SCG5: variants seen among roughly 807,000 people sequenced by gnomAD.
The protein encoded by SCG5 is secretogranin V, also known as neuroendocrine protein 7B2.
A neutral mutation model predicts 25.7 loss-of-function variants in SCG5; 18 were observed. The ratio of observed to expected loss-of-function variants is 0.70; its 90% CI spans 0.48 to 1.04. The LOEUF (loss-of-function observed/expected upper bound fraction) is 1.04, where lower values mean the gene tolerates loss of function less well. SCG5 is among the 50% of genes least tolerant of loss of function. The pLI, the probability that SCG5 is intolerant of heterozygous loss-of-function variation, is 0.00. For missense variants in SCG5, 206 were observed against 259.8 expected, an observed-to-expected ratio of 0.79 and a Z score of 1.42; for synonymous variants, 101 against 91.7, an observed-to-expected ratio of 1.10 and a Z score of -0.58.
intron 4 of SCG5, among the ~76,000 whole-genome samples, chr15:32,687,032 A>T (rs866838366): frequency 6.6e-6 from 1 of 152,022 alleles, no homozygotes; most frequent in Non-Finnish European, 1.5e-5. Flanking sequence ...TCAGGTGGGA[A>T]AGTCTTCAGC....
intron 1 of SCG5, 132 bp from the exon 2 acceptor site, chr15:32,643,454 T>C: frequency 1.4e-6 from 1 of 694,712 alleles, no homozygotes; most frequent in South Asian, 1.7e-5. Context: ...AGCAACCTCC[T>C]AAGGATTCTT....
chr15:32,682,355 G>A (rs745447459), intron 3 of SCG5, among the ~76,000 whole-genome samples: 2 of 152,218 alleles, frequency 1.3e-5, no homozygotes, highest in Non-Finnish European at 2.9e-5. Flanking sequence ...CTGACCTCTA[G>A]TGTTGACTGT....
At chr15:32,690,335 C>T in intron 4 of SCG5, among the ~76,000 whole-genome samples, 1 of 152,228 alleles carries the variant, frequency 6.6e-6, no homozygotes, top group East Asian at 1.9e-4. Context: ...GTCCTCACCC[C>T]TTCCCGGCCT....
Position 32,696,861 on chromosome 15 carries a change from G to A in SCG5, c.*252G>A. ...GCAATGATCATAAAAATTAAAATGTGAATGTCAACAATAAAAAGCAAGACT... is the reference window on the plus strand; with the variant it reads ...GCAATGATCATAAAAATTAAAATGTAAATGTCAACAATAAAAAGCAAGACT... On this transcript the variant is annotated 3_prime_UTR_variant, in exon 6 of 6. Transcript: ENST00000300175. The A allele has an allele frequency of 2.9e-6, 1 of 340,620 alleles. No homozygotes were observed. The highest frequency in any genetic ancestry group is 5.4e-6 in the Non-Finnish European group (1 of 186,762). 21.1% of individuals were successfully genotyped at this position (340,620 alleles called of 1,614,324 possible).
At chr15:32,678,476 C>T (rs1485954165) in intron 2 of SCG5, among the ~76,000 whole-genome samples, 1 of 152,044 alleles carries the variant, frequency 6.6e-6, no homozygotes, top group Non-Finnish European at 1.5e-5. Flanking sequence ...CAAAATAAAA[C>T]AGTAATTTTA....
chr15:32,643,121 GCTT>G (rs770372392), intron 1 of SCG5, among the ~76,000 whole-genome samples: 23 of 152,128 alleles, frequency 1.5e-4, no homozygotes, highest in Non-Finnish European at 2.9e-4. Flanking sequence ...ACCTTCCTGA[GCTT>G]CTTGATTTGT....
intron 2 of SCG5, among the ~76,000 whole-genome samples, chr15:32,661,501 T>C (rs2054217321): frequency 6.6e-6 from 1 of 152,092 alleles, no homozygotes. Flanking sequence ...ATGCCTGTAA[T>C]CCCAGCTACT....
chr15:32,691,924 T>C, intron 5 of SCG5, 161 bp downstream of exon 5: 1 of 1,465,682 alleles, frequency 6.8e-7, no homozygotes. Flanking sequence ...CCAGAAAGTC[T>C]GTCCTTGGTT....
chr15:32,676,740 AGAGT>A (rs1027939894), intron 2 of SCG5, among the ~76,000 whole-genome samples: 6 of 152,230 alleles, frequency 3.9e-5, no homozygotes, highest in Admixed American at 2.0e-4. Context: ...ACAAATCAAC[AGAGT>A]GAGAGTGGCA....
intron 2 of SCG5, among the ~76,000 whole-genome samples, chr15:32,659,677 C>T (rs890582115): frequency 1.3e-5 from 2 of 152,184 alleles, no homozygotes; most frequent in South Asian, 4.1e-4. Context: ...CTGATGCCAT[C>T]TTTCTGGTAT....
intron 5 of SCG5, among the ~76,000 whole-genome samples, chr15:32,695,716 G>A (rs1259317084): frequency 6.6e-6 from 1 of 152,126 alleles, no homozygotes. Context: ...CCAGTCTTCA[G>A]ATGTTAATTC....
At chr15:32,684,832 A>G (rs2054676891) in intron 4 of SCG5, among the ~76,000 whole-genome samples, 163 bp downstream of exon 4, 1 of 152,182 alleles carries the variant, frequency 6.6e-6, no homozygotes, top group Admixed American at 6.5e-5. Flanking sequence ...ACTACTCAAA[A>G]CCACACTTAT....
At position 32,696,552 on chromosome 15, in the gene SCG5, T is replaced by C. The variant is rs780225937; in HGVS notation, c.582T>C (p.Asn194=). 55 of 1,613,154 alleles carry C rather than the reference T, an allele frequency of 3.4e-5. No homozygotes were observed. The highest frequency in any genetic ancestry group is 4.4e-5 in the Non-Finnish European group (52 of 1,179,562). ...NPYLQGQRLD[N]VVAKKSVPHF... is the part of the protein sequence containing the mutation. ...ATCTACAAGGACAGAGACTGGATAA[T>C]GTTGTTGCAAAGAAGTCTGTCCCCC... The change falls in exon 6 of 6, where the codon AAT becomes AAC. Residue 194 remains asparagine (N), a synonymous_variant. Transcript: ENST00000300175.
Position 32,696,885 on chromosome 15 carries a change from C to T in SCG5, c.*276C>T, listed in dbSNP as rs1289453810. 4 of 305,666 alleles carry T rather than the reference C, an allele frequency of 1.3e-5. No homozygotes were observed. Among genetic ancestry groups the T allele is most frequent in the South Asian group, 1.1e-4 (2 of 17,798 alleles). 18.9% of individuals were successfully genotyped at this position (305,666 alleles called of 1,614,324 possible). A position where few individuals can be genotyped will look rare whatever the true frequency, so the allele number is the denominator to read the frequency against. On this transcript the variant is annotated 3_prime_UTR_variant, in exon 6 of 6. Coordinates refer to ENST00000300175, the MANE Select transcript of SCG5 (RefSeq NM_001144757.3). ...TGAATGTCAACAATAAAAAGCAAGA[C>T]TATGAAAGGCTCAGATTTCTTGCAG...
intron 2 of SCG5, among the ~76,000 whole-genome samples, chr15:32,665,517 C>T (rs1321226139): frequency 1.3e-5 from 2 of 152,032 alleles, no homozygotes; most frequent in Non-Finnish European, 2.9e-5. Flanking sequence ...TATTGAATTC[C>T]TGTGGAGAAG....
At chr15:32,685,915 G>A (rs1595817636) in intron 4 of SCG5, among the ~76,000 whole-genome samples, 2 of 152,292 alleles carry the variant, frequency 1.3e-5, no homozygotes, top group Admixed American at 1.3e-4. Flanking sequence ...CTTGCTTACT[G>A]CTTTACTGGG....
chr15:32,682,314 G>A (rs1432676142), intron 3 of SCG5, among the ~76,000 whole-genome samples: 1 of 152,164 alleles, frequency 6.6e-6, no homozygotes, highest in East Asian at 1.9e-4. Context: ...ATAGGAGAAT[G>A]GAAAGAGGTC....
chr15:32,649,638 A>G (rs2054001742), intron 2 of SCG5, among the ~76,000 whole-genome samples: 1 of 152,128 alleles, frequency 6.6e-6, no homozygotes, highest in Non-Finnish European at 1.5e-5. Context: ...GCATTTGCCA[A>G]AACATCCAGA....
At chr15:32,695,011 C>CTTTTTTTTTTTTTTTTT in intron 5 of SCG5, among the ~76,000 whole-genome samples, 1 of 123,642 alleles carries the variant, frequency 8.1e-6, no homozygotes, top group Non-Finnish European at 1.8e-5. Context: ...TTCTTTCTTT[C>CTTTTTTTTTTTTTTTTT]TTTTTTTTTT....
Sources: gnomAD v4.1 joint callset for allele counts (sites outside exome capture counted in the v4.1 genomes callset) on GRCh38, gnomAD v4.1.1 for gene constraint, MANE v1.5 for transcripts, NCBI Gene and HGNC (gene_info 2026-07-23, HGNC 2026-07-21) for gene names.